The following GALNT13 variants were observed in gnomAD, a reference collection of about 807,000 sequenced individuals.
The protein encoded by GALNT13 is polypeptide N-acetylgalactosaminyltransferase 13, also known as UDP-GalNAc:polypeptide N-acetylgalactosaminyltransferase 13.
Under a neutral mutation model 64.2 loss-of-function variants are expected in GALNT13, and 28 were observed. The observed-to-expected ratio is 0.44, with a 90% confidence interval of 0.32 to 0.60. The LOEUF (loss-of-function observed/expected upper bound fraction) is 0.60. Among genes scored for constraint, GALNT13 ranks in the 20% least tolerant of loss-of-function variants. GALNT13 has a pLI of 0.05. For synonymous variants in GALNT13, 214 were observed against 224.6 expected (o/e 0.95, Z 0.42); for missense variants, 577 against 669.8 (o/e 0.86, Z 1.53).
At chr2:154,425,337 C>T (rs757500222) in intron 11 of GALNT13, among the ~76,000 whole-genome samples, 26 of 152,006 alleles carry the variant, frequency 1.7e-4, no homozygotes, top group Admixed American at 6.6e-4. Flanking sequence ...CACTAAAATA[C>T]AATAGTTTAT....
chr2:153,231,099 G>C, the GALNT13 span, among the ~76,000 whole-genome samples: 3 of 151,938 alleles, frequency 2.0e-5, no homozygotes, highest in South Asian at 2.1e-4. Flanking sequence ...CTCCTTCATC[G>C]GTTTTAACTA....
At chr2:153,517,498 T>A in the GALNT13 span, among the ~76,000 whole-genome samples, 1 of 152,120 alleles carries the variant, frequency 6.6e-6, no homozygotes, top group Admixed American at 6.6e-5. Context: ...GAGAGGTTTG[T>A]CAGAGAAACA....
intron 4 of GALNT13, among the ~76,000 whole-genome samples, chr2:154,157,831 G>C (rs1367997534): frequency 1.3e-5 from 2 of 152,100 alleles, no homozygotes; most frequent in Admixed American, 6.6e-5. Context: ...TGACTTGCCA[G>C]CATAATTTGA....
At chr2:153,978,366 G>GT (rs2105149222) in intron 3 of GALNT13, among the ~76,000 whole-genome samples, 1 of 152,184 alleles carries the variant, frequency 6.6e-6, no homozygotes, top group South Asian at 2.1e-4. Context: ...TTTCCTCTTT[G>GT]TTTTGCGTGA....
At chr2:153,894,055 A>G (rs1687733561) in intron 1 of GALNT13, among the ~76,000 whole-genome samples, 1 of 152,122 alleles carries the variant, frequency 6.6e-6, no homozygotes, top group Non-Finnish European at 1.5e-5. Context: ...AGAAGAGCCA[A>G]TATTTTCTCC....
At chr2:153,695,306 T>G in the GALNT13 span, among the ~76,000 whole-genome samples, 3 of 152,188 alleles carry the variant, frequency 2.0e-5, no homozygotes, top group Non-Finnish European at 4.4e-5. Flanking sequence ...TGACTCACTC[T>G]TATCAGGGAA....
At chr2:154,052,669 T>C (rs1699689328) in intron 3 of GALNT13, among the ~76,000 whole-genome samples, 1 of 152,022 alleles carries the variant, frequency 6.6e-6, no homozygotes, top group Non-Finnish European at 1.5e-5. Context: ...GTGTGCTGTG[T>C]TGGTGTTCAA....
chr2:153,788,466 A>G, the GALNT13 span, among the ~76,000 whole-genome samples: 12 of 152,150 alleles, frequency 7.9e-5, no homozygotes, highest in African/African-American at 2.9e-4. Flanking sequence ...AAATCTTGAA[A>G]GTAAAGCCCA....
chr2:153,906,514 T>C lies in GALNT13; in HGVS notation c.-105+5507T>C, dbSNP rs1272093304. Among the ~76,000 whole-genome samples the C allele has an allele frequency of 3.2e-4, 49 of 151,804 alleles. 1 individual carries two copies. In the East Asian group the frequency reaches 9.2e-3, roughly 28 times the overall value. On this transcript the variant is annotated intron_variant, in intron 2 of 12. Transcript: ENST00000392825. The stretch of plus-strand genomic sequence containing the variant: ...TGCAGTGTTTGGTTTTTTGTCCTTG[T>C]GATAGTTTGCTGAGAATTATGGTTT...
chr2:153,836,133 T>C, the GALNT13 span, among the ~76,000 whole-genome samples: 1 of 152,088 alleles, frequency 6.6e-6, no homozygotes, highest in Non-Finnish European at 1.5e-5. Flanking sequence ...CTCAGCTATG[T>C]CTTTGACATC....
At chr2:153,713,412 T>C in the GALNT13 span, among the ~76,000 whole-genome samples, 2 of 152,194 alleles carry the variant, frequency 1.3e-5, no homozygotes, top group African/African-American at 2.4e-5. Flanking sequence ...CTGATGTCTC[T>C]TACATTATGA....
the GALNT13 span, among the ~76,000 whole-genome samples, chr2:153,117,143 A>G: frequency 6.6e-6 from 1 of 152,076 alleles, no homozygotes; most frequent in Non-Finnish European, 1.5e-5. Flanking sequence ...TCATTATTTT[A>G]AAGTTCTAGC....
chr2:153,275,557 A>C, the GALNT13 span, among the ~76,000 whole-genome samples: 1 of 152,122 alleles, frequency 6.6e-6, no homozygotes. Flanking sequence ...ATGATAAATA[A>C]ATTTCTGTTC....
chr2:153,606,995 C>T, the GALNT13 span, among the ~76,000 whole-genome samples: 7 of 150,186 alleles, frequency 4.7e-5, no homozygotes, highest in South Asian at 1.5e-3. Flanking sequence ...ATGCACTTTT[C>T]TTTGGGAAAA....
At chr2:153,631,585 A>G in the GALNT13 span, among the ~76,000 whole-genome samples, 23 of 152,028 alleles carry the variant, frequency 1.5e-4, no homozygotes, top group African/African-American at 4.4e-4. Flanking sequence ...TTTTTCATGT[A>G]TCTGTTGGCT....
At chr2:154,455,199 A>G (rs1383064150), downstream of GALNT13, among the ~76,000 whole-genome samples, 3 of 152,170 alleles carry the variant, frequency 2.0e-5, no homozygotes, top group African/African-American at 4.8e-5. Flanking sequence ...CATATTCTGA[A>G]TTAGTTCGGT....
At chr2:154,373,018 CTAAGA>C (rs1697787139) in intron 9 of GALNT13, among the ~76,000 whole-genome samples, 2 of 151,864 alleles carry the variant, frequency 1.3e-5, no homozygotes, top group African/African-American at 4.8e-5. Flanking sequence ...TTCCTAGGAG[CTAAGA>C]TAACTGAAAT....
chr2:153,476,316 T>C, the GALNT13 span, among the ~76,000 whole-genome samples: 1 of 152,344 alleles, frequency 6.6e-6, no homozygotes, highest in Admixed American at 6.5e-5. Flanking sequence ...TGGAACACTT[T>C]ATTATTATTT....
the GALNT13 span, among the ~76,000 whole-genome samples, chr2:153,382,472 G>A: frequency 6.6e-6 from 1 of 152,004 alleles, no homozygotes; most frequent in Admixed American, 6.6e-5. Context: ...ATGACCTCCA[G>A]CTCCATCCAT....
Sources: gnomAD v4.1 joint callset for allele counts (sites outside exome capture counted in the v4.1 genomes callset) on GRCh38, gnomAD v4.1.1 for gene constraint, MANE v1.5 for transcripts, NCBI Gene and HGNC (gene_info 2026-07-23, HGNC 2026-07-21) for gene names.